FOXP1: variants seen among roughly 807,000 people sequenced by gnomAD.
FOXP1 encodes the protein forkhead box P1.
A neutral mutation model predicts 98.2 loss-of-function variants in FOXP1; 15 were observed. The observed-to-expected ratio is 0.15, with a 90% CI of 0.10 to 0.24. FOXP1 has a LOEUF of 0.24. Ranked by LOEUF, FOXP1 falls within the 10% of genes least tolerant of loss-of-function variation. FOXP1 has a pLI of 1.00. For missense variants in FOXP1, 633 were observed against 848.5 expected (o/e 0.75, Z 3.15); for synonymous variants, 371 against 314.5 (o/e 1.18, Z -1.90).
intron 7 of FOXP1, among the ~76,000 whole-genome samples, chr3:71,056,071 G>A (rs149317832): frequency 3.8e-4 from 58 of 152,318 alleles, no homozygotes; most frequent in African/African-American, 1.3e-3. Context: ...CGATGGAAAT[G>A]TCCATATCTC....
intron 6 of FOXP1, among the ~76,000 whole-genome samples, chr3:71,146,105 C>A (rs903523445): frequency 6.6e-6 from 1 of 152,138 alleles, no homozygotes; most frequent in Non-Finnish European, 1.5e-5. Context: ...AGAGAGGGAA[C>A]AAACAGGATG....
chr3:71,164,474 T>C (rs1421054185), intron 6 of FOXP1, among the ~76,000 whole-genome samples: 1 of 152,162 alleles, frequency 6.6e-6, no homozygotes, highest in Non-Finnish European at 1.5e-5. Flanking sequence ...GCTGGGATTA[T>C]AGGCGTGAGG....
chr3:71,554,043 T>G (rs1466995576), intron 2 of FOXP1, among the ~76,000 whole-genome samples: 2 of 152,188 alleles, frequency 1.3e-5, no homozygotes, highest in African/African-American at 4.8e-5. Context: ...CCACAATATG[T>G]TCTCCACCAA....
At chr3:71,158,272 G>A (rs2060950316) in intron 6 of FOXP1, among the ~76,000 whole-genome samples, 3 of 152,056 alleles carry the variant, frequency 2.0e-5, no homozygotes, top group Admixed American at 6.5e-5. Context: ...AAGGGGAGAA[G>A]TCAGGTAGTA....
At chr3:71,117,202 C>A (rs2107788587) in intron 6 of FOXP1, among the ~76,000 whole-genome samples, 1 of 151,988 alleles carries the variant, frequency 6.6e-6, no homozygotes, top group South Asian at 2.1e-4. Context: ...ATCCTCCCAC[C>A]TCAGCCTCCT....
chr3:70,990,397 C>T (rs2040423990), intron 13 of FOXP1, among the ~76,000 whole-genome samples: 1 of 152,188 alleles, frequency 6.6e-6, no homozygotes, highest in South Asian at 2.1e-4. Flanking sequence ...ATTTATAATA[C>T]TAACTGCTCC....
At chr3:71,093,086 C>T (rs1002403574) in intron 7 of FOXP1, among the ~76,000 whole-genome samples, 2 of 151,752 alleles carry the variant, frequency 1.3e-5, no homozygotes, top group Non-Finnish European at 2.9e-5. Flanking sequence ...CATGGTGAAA[C>T]CCCGTCTCTA....
rs143339525 is a variant in FOXP1 at position 71,147,063 on chromosome 3, G to T, written c.181-34426C>A. On this transcript the variant is annotated intron_variant, in intron 6 of 20. Coordinates refer to ENST00000649528, the MANE Select transcript of FOXP1 (RefSeq NM_001349338.3). The stretch of plus-strand genomic sequence containing the variant: ...ACTCTGGATGCCTAAATTACCTGGC[G>T]TTTCAGCCAGCATCTGTGCCCTACC... 6.6e-5 allele frequency among the ~76,000 whole-genome samples: 10 copies of T among 152,288 alleles called. No individual in the cohort carries two copies. In the East Asian group the frequency reaches 7.7e-4, roughly 12 times the overall value.
At chr3:71,187,646 T>C (rs1242714461) in intron 6 of FOXP1, among the ~76,000 whole-genome samples, 3 of 152,184 alleles carry the variant, frequency 2.0e-5, no homozygotes, top group African/African-American at 4.8e-5. Flanking sequence ...TATATACATA[T>C]AGCACACAGC....
At chr3:71,218,981 C>A (rs2065151749) in intron 5 of FOXP1, among the ~76,000 whole-genome samples, 1 of 152,212 alleles carries the variant, frequency 6.6e-6, no homozygotes, top group Admixed American at 6.5e-5. Context: ...TTGCCTCAAA[C>A]TGAAATTATT....
chr3:71,320,340 C>T (rs1482024512), intron 4 of FOXP1, among the ~76,000 whole-genome samples: 2 of 151,848 alleles, frequency 1.3e-5, no homozygotes, highest in East Asian at 1.9e-4. Context: ...TGGTCCTCTG[C>T]TTGCACTTTT....
intron 7 of FOXP1, among the ~76,000 whole-genome samples, chr3:71,088,496 G>A (rs2055413932): frequency 6.6e-6 from 1 of 151,600 alleles, no homozygotes; most frequent in African/African-American, 2.4e-5. Flanking sequence ...CACTCTAGGT[G>A]TCTAGGTCAA....
intron 6 of FOXP1, among the ~76,000 whole-genome samples, chr3:71,137,475 T>C (rs9881149): frequency 0.85 from 129,782 of 152,096 alleles, 58,774 homozygotes; most frequent in South Asian, 0.99. Flanking sequence ...GTACTATTAA[T>C]ATTTTGGGGA....
chr3:71,285,307 C>T (rs1307191633), intron 5 of FOXP1, among the ~76,000 whole-genome samples: 2 of 152,166 alleles, frequency 1.3e-5, no homozygotes, highest in African/African-American at 4.8e-5. Context: ...ATAGTGTAGT[C>T]AACTAAATTC....
At position 71,198,847 on chromosome 3, in the gene FOXP1, A is replaced by G. The variant is rs150030924; in HGVS notation, c.-11-455T>C. Among the ~76,000 whole-genome samples, 381 of 151,964 alleles carry G rather than the reference A, an allele frequency of 2.5e-3. 1 individual carries two copies. Among genetic ancestry groups the G allele is most frequent in the African/African-American group, 8.7e-3 (359 of 41,458 alleles). ...GCTAGGATTACAGGTGCATGCCACC[A>G]TGCCCGGCTAATTTTTTGTGTATTT... is the stretch of plus-strand genomic sequence containing the variant. On this transcript the variant is annotated intron_variant, in intron 5 of 20. Coordinates refer to ENST00000649528, the MANE Select transcript of FOXP1 (RefSeq NM_001349338.3).
rs72957368 is a variant in FOXP1, at chr3:71,368,022, A to T, written c.-167-8778T>A. On this transcript the variant is annotated intron_variant, in intron 3 of 20. Transcript: ENST00000649528. The stretch of plus-strand genomic sequence containing the variant: ...GGTTGAATATTTCATTTGATGACAT[A>T]AGGACTGCATGCTACAGCTGGACCC... Among the ~76,000 whole-genome samples, 585 of 152,326 alleles carry T rather than the reference A, an allele frequency of 3.8e-3. 4 individuals carry two copies. The highest frequency in any genetic ancestry group is 0.014 in the African/African-American group (563 of 41,574).
At chr3:71,010,717 C>T (rs1210503000) in intron 12 of FOXP1, among the ~76,000 whole-genome samples, 3 of 152,060 alleles carry the variant, frequency 2.0e-5, no homozygotes, top group African/African-American at 4.8e-5. Flanking sequence ...TGAAGAGAAG[C>T]GTAGACTAGA....
rs1033923812 is a variant in FOXP1 at position 70,955,831 on chromosome 3, C to G, written c.*3416G>C. On this transcript the variant is annotated 3_prime_UTR_variant, in exon 21 of 21. Coordinates refer to ENST00000649528, the MANE Select transcript of FOXP1 (RefSeq NM_001349338.3). ...AAACAGATTAACACACACGCACGCG[C>G]GCACACACACACACACACACACACA... The G allele has an allele frequency of 5.4e-5, 12 of 221,414 alleles. No individual in the cohort carries two copies. The highest frequency in any genetic ancestry group is 8.5e-6 in the Non-Finnish European group (1 of 117,470). The allele number at this position is 221,414 out of a possible 1,614,324, so 13.7% of individuals were successfully genotyped here.
intron 6 of FOXP1, among the ~76,000 whole-genome samples, chr3:71,171,967 C>T (rs1417880663): frequency 1.3e-5 from 2 of 152,166 alleles, no homozygotes; most frequent in Non-Finnish European, 2.9e-5. Context: ...TAATCCTTAT[C>T]AATTATTTAT....
Sources: gnomAD v4.1 joint callset for allele counts (sites outside exome capture counted in the v4.1 genomes callset) on GRCh38, gnomAD v4.1.1 for gene constraint, MANE v1.5 for transcripts, NCBI Gene and HGNC (gene_info 2026-07-23, HGNC 2026-07-21) for gene names.